Variants in STOX2 observed in about 807,000 individuals in gnomAD.
STOX2 encodes storkhead box 2, also known as storkhead-box protein 2.
A neutral mutation model predicts 60.9 loss-of-function variants in STOX2; 28 were observed. The observed-to-expected ratio is 0.46, with a 90% CI of 0.34 to 0.63. The LOEUF (loss-of-function observed/expected upper bound fraction) is 0.63. Ranked by LOEUF, STOX2 falls within the 30% of genes least tolerant of loss-of-function variation. STOX2 has a pLI of 0.01. For synonymous variants in STOX2, 472 were observed against 463.9 expected, an observed-to-expected ratio of 1.02 and a Z score of -0.22; for missense variants, 1,024 against 1,187.7, an observed-to-expected ratio of 0.86 and a Z score of 2.03.
chr4:183,839,830 G>T (rs1739808924), intron 1 of STOX2, among the ~76,000 whole-genome samples: 1 of 152,190 alleles, frequency 6.6e-6, no homozygotes, highest in African/African-American at 2.4e-5. Context: ...CATGAGTAAA[G>T]AATCCATTTA....
At position 183,894,489 on chromosome 4, in the gene STOX2, C is replaced by T. The variant is rs182649900; in HGVS notation, c.364+96434C>T. Reference sequence around the variant, plus strand: ...TTATTAAATGATATCACATAAAAGTCCTGTAATTTGCTGGAGTTAAAAAGT... The same window carrying T: ...TTATTAAATGATATCACATAAAAGTTCTGTAATTTGCTGGAGTTAAAAAGT... On this transcript the variant is annotated intron_variant, in intron 1 of 2. Transcript: ENST00000513034. Among the ~76,000 whole-genome samples the T allele has an allele frequency of 3.0e-3, 452 of 151,340 alleles. 1 individual carries two copies. Among genetic ancestry groups the T allele is most frequent in the Non-Finnish European group, 3.4e-3 (231 of 67,858 alleles).
chr4:183,971,071 G>A (rs1054570645), intron 1 of STOX2, among the ~76,000 whole-genome samples: 2 of 152,174 alleles, frequency 1.3e-5, no homozygotes, highest in Non-Finnish European at 2.9e-5. Context: ...CTGTCAAGAT[G>A]TAATATCTGA....
At chr4:183,851,110 C>CGATGAGAGAAAG (rs1560845468) in intron 1 of STOX2, among the ~76,000 whole-genome samples, 1 of 13,344 alleles carries the variant, frequency 7.5e-5, no homozygotes, top group Admixed American at 9.4e-4. Context: ...ATGAGGGAAA[C>CGATGAGAGAAAG]GATGAGGGAA....
intron 2 of STOX2, among the ~76,000 whole-genome samples, chr4:184,002,470 A>C (rs1201175810): frequency 6.6e-6 from 1 of 152,362 alleles, no homozygotes; most frequent in African/African-American, 2.4e-5. Context: ...TCAAAGGCCT[A>C]CGGCAACAAG....
At chr4:183,853,697 G>T (rs1740220923) in intron 1 of STOX2, 1 of 152,150 alleles carries the variant, frequency 6.6e-6, no homozygotes, top group Non-Finnish European at 1.5e-5. Context: ...CGGTAACTCT[G>T]GACTAGAACG....
In STOX2 at chr4:183,874,953, ATATATATATATATATAT is replaced by A. The variant is rs1214332118; in HGVS notation, c.364+76899_364+76915del. On this transcript the variant is annotated intron_variant, in intron 1 of 2. Transcript: ENST00000513034. Reference sequence around the variant, plus strand: ...AAAAAAAAAAAAAAAAAAAAAAAAAATATATATATATATATATATATATATATATATATATATATAAA... The same window carrying A: ...AAAAAAAAAAAAAAAAAAAAAAAAAAATATATATATATATATATATATAAA... Among the ~76,000 whole-genome samples the A allele has an allele frequency of 5.0e-3, 122 of 24,636 alleles. 4 individuals carry two copies. Among genetic ancestry groups the A allele is most frequent in the African/African-American group, 0.02 (119 of 6,024 alleles). The allele number at this position is 24,636 out of a possible 152,430, so 16.2% of individuals were successfully genotyped here.
chr4:183,848,149 A>G (rs1740029390), intron 1 of STOX2, among the ~76,000 whole-genome samples: 1 of 152,216 alleles, frequency 6.6e-6, no homozygotes, highest in South Asian at 2.1e-4. Flanking sequence ...CCACACAAAT[A>G]GGAATTTATT....
At chr4:183,957,870 T>C (rs1041314437) in intron 1 of STOX2, among the ~76,000 whole-genome samples, 31 of 150,470 alleles carry the variant, frequency 2.1e-4, no homozygotes, top group Non-Finnish European at 3.0e-5. Context: ...GGGGGGATGA[T>C]AAAATGGTAT....
intron 1 of STOX2, among the ~76,000 whole-genome samples, chr4:183,897,853 T>C (rs986314247): frequency 6.6e-6 from 1 of 152,218 alleles, no homozygotes; most frequent in East Asian, 1.9e-4. Flanking sequence ...TGCATTCACA[T>C]TGGGGCTTCT....
chr4:183,814,712 G>T (rs1345971206), intron 1 of STOX2, among the ~76,000 whole-genome samples: 1 of 152,176 alleles, frequency 6.6e-6, no homozygotes, highest in Non-Finnish European at 1.5e-5. Context: ...CCAAGCCAGG[G>T]TCTAGTGCCA....
At chr4:183,809,201 C>G (rs1171052225) in intron 1 of STOX2, among the ~76,000 whole-genome samples, 1 of 152,118 alleles carries the variant, frequency 6.6e-6, no homozygotes, top group Non-Finnish European at 1.5e-5. Context: ...TCCGCTTCAG[C>G]CTCCCAAGTA....
At chr4:183,899,907 T>TG (rs1442261276) in intron 1 of STOX2, among the ~76,000 whole-genome samples, 9 of 152,214 alleles carry the variant, frequency 5.9e-5, no homozygotes, top group African/African-American at 7.2e-5. Context: ...CTGCCTTCAA[T>TG]GGTACCACCT....
intron 1 of STOX2, among the ~76,000 whole-genome samples, chr4:183,910,791 A>G (rs879616600): frequency 6.6e-6 from 1 of 152,180 alleles, no homozygotes; most frequent in Non-Finnish European, 1.5e-5. Flanking sequence ...AAAGCCCTAA[A>G]CTGACATTGC....
chr4:183,946,133 T>C (rs1702141612), intron 1 of STOX2, among the ~76,000 whole-genome samples: 1 of 152,152 alleles, frequency 6.6e-6, no homozygotes, highest in Admixed American at 6.6e-5. Flanking sequence ...GAATTCAGGG[T>C]CACACTTTTT....
chr4:183,900,816 A>AAACATTT (rs1741444316), upstream of STOX2, among the ~76,000 whole-genome samples: 1 of 152,158 alleles, frequency 6.6e-6, no homozygotes, highest in Non-Finnish European at 1.5e-5. Flanking sequence ...ACATTCCCTT[A>AAACATTT]AACATTTAAA....
intron 1 of STOX2, among the ~76,000 whole-genome samples, chr4:183,841,544 A>G (rs573972785): frequency 6.6e-6 from 1 of 152,274 alleles, no homozygotes; most frequent in Admixed American, 6.5e-5. Flanking sequence ...AACCCTTGGT[A>G]GCGTGCGATT....
At chr4:183,885,886 C>T (rs546145074) in intron 1 of STOX2, among the ~76,000 whole-genome samples, 12 of 152,358 alleles carry the variant, frequency 7.9e-5, no homozygotes, top group African/African-American at 2.9e-4. Context: ...ACACGCATCT[C>T]ATTGCCCCAT....
intron 3 of STOX2, 83 bp from the exon 4 acceptor site, chr4:184,017,006 C>T: frequency 8.8e-7 from 1 of 1,138,576 alleles, no homozygotes; most frequent in Admixed American, 2.8e-5. Context: ...CCATTAACGA[C>T]ATCATTTGCT....
At chr4:183,832,355 G>T (rs141336084) in intron 1 of STOX2, among the ~76,000 whole-genome samples, 94 of 152,006 alleles carry the variant, frequency 6.2e-4, no homozygotes, top group East Asian at 5.6e-3. Context: ...ACCCCATTTT[G>T]GCTCCTAGTT....
Sources: gnomAD v4.1 joint callset for allele counts (sites outside exome capture counted in the v4.1 genomes callset) on GRCh38, gnomAD v4.1.1 for gene constraint, MANE v1.5 for transcripts, NCBI Gene and HGNC (gene_info 2026-07-23, HGNC 2026-07-21) for gene names.